ZNF276: variants seen among roughly 807,000 people sequenced by gnomAD.
ZNF276 encodes zinc finger protein 276, also known as centromere protein Z.
ZNF276 carries 59 observed loss-of-function variants against 63.9 expected under a neutral mutation model. The observed-to-expected ratio is 0.92, with a 90% CI of 0.75 to 1.15. The LOEUF is 1.15. ZNF276 is among the 50% of genes most tolerant of loss of function. The pLI is 0.00. For missense variants in ZNF276, 1,084 were observed against 843.8 expected (o/e 1.28, Z -3.53); for synonymous variants, 496 against 348.4 (o/e 1.42, Z -4.72).
rs1016397154 is a variant in ZNF276 at position 89,721,783 on chromosome 16, G to A, written c.143G>A (p.Arg48Gln). The A allele has an allele frequency of 2.4e-6, 3 of 1,260,952 alleles. No homozygotes were observed. Among genetic ancestry groups the A allele is most frequent in the African/African-American group, 1.6e-5 (1 of 64,110 alleles). The allele number at this position is 1,260,952 out of a possible 1,614,324, so 78.1% of individuals were successfully genotyped here. ...GGPRVDGATA[R>Q]RAWGPVGSCG... ...CCGAGGGTGGACGGGGCGACGGCGCGGCGCGCCTGGGGCCCGGTGGGGTCC... is the reference window on the plus strand; with the variant it reads ...CCGAGGGTGGACGGGGCGACGGCGCAGCGCGCCTGGGGCCCGGTGGGGTCC... The change falls in exon 1 of 11, where the codon CGG becomes CAG. Residue 48 changes from arginine (R) to glutamine (Q), a missense_variant. By Grantham distance (43) the Arg-to-Gln change is conservative. Coordinates refer to ENST00000443381, the MANE Select transcript of ZNF276 (RefSeq NM_001113525.2).
At position 89,729,352 on chromosome 16, in the gene ZNF276, C is replaced by A. The variant is rs114201780; in HGVS notation, c.1169+34C>A. On this transcript the variant is annotated intron_variant, in intron 6 of 10. Transcript: ENST00000443381. ...GCAGCCCGGGGTCTGCTGGAGGCAT[C>A]CGTTGGGCGACCTAGACACCCGCCT... is the stretch of plus-strand genomic sequence containing the variant. 3.0e-4 allele frequency: 483 copies of A among 1,598,474 alleles called. 2 individuals are homozygous for A. In the African/African-American group the frequency reaches 5.6e-3, roughly 19 times the overall value.
intron 9 of ZNF276, 49 bp from the exon 10 acceptor site, chr16:89,737,757 G>A: frequency 1.2e-6 from 2 of 1,610,742 alleles, no homozygotes; most frequent in Non-Finnish European, 8.5e-7. Context: ...CGTCCCCCCG[G>A]GAGGTTGGAG....
rs17227417 is a variant in ZNF276 at position 89,738,314 on chromosome 16, C to T, written c.*68C>T. ...CAGTGGCTGTGTCAGCCTCACCCTT[C>T]GTGTGCACCCGCATGGGAGGGTCGG... On this transcript the variant is annotated 3_prime_UTR_variant, in exon 11 of 11. Transcript: ENST00000443381. 5.0e-3 allele frequency: 7,553 copies of T among 1,521,468 alleles called. 180 individuals are homozygous for T. In the African/African-American group the frequency reaches 0.068, roughly 14 times the overall value. The allele number at this position is 1,521,468 out of a possible 1,614,324, so 94.2% of individuals were successfully genotyped here. A position where few individuals can be genotyped will look rare whatever the true frequency, so the allele number is the denominator to read the frequency against.
In ZNF276 at chr16:89,740,648, A is replaced by C. The variant is rs1192846072; in HGVS notation, c.*2402A>C. ...GAGACCCCCATCTCAAAAAAAAAAA[A>C]AAAAAACCCACGGCCTGGGAGTTCT... On this transcript the variant is annotated 3_prime_UTR_variant, in exon 11 of 11. Coordinates refer to ENST00000443381, the MANE Select transcript of ZNF276 (RefSeq NM_001113525.2). 4 of 647,322 alleles carry C rather than the reference A, an allele frequency of 6.2e-6. No individual in the cohort carries two copies. Among genetic ancestry groups the C allele is most frequent in the East Asian group, 2.8e-5 (1 of 35,484 alleles). The allele number at this position is 647,322 out of a possible 1,614,324, so 40.1% of individuals were successfully genotyped here. A position where few individuals can be genotyped will look rare whatever the true frequency, so the allele number is the denominator to read the frequency against.
intron 4 of ZNF276, among the ~76,000 whole-genome samples, chr16:89,724,726 A>G (rs2061414198): frequency 6.6e-6 from 1 of 152,186 alleles, no homozygotes; most frequent in Admixed American, 6.6e-5. Flanking sequence ...GGCCTCAGGT[A>G]GGAACGGGAT....
intron 5 of ZNF276, among the ~76,000 whole-genome samples, chr16:89,728,369 C>T (rs1018542924): frequency 1.4e-4 from 21 of 151,574 alleles, no homozygotes; most frequent in Middle Eastern, 3.4e-3. Flanking sequence ...GGATTACAGG[C>T]GCCCGCCACC....
rs766402521 is a variant in ZNF276 at position 89,723,324 on chromosome 16, G to A, written c.621G>A (p.Ala207=). ...HGLVGWVHGH[A]ASCGALPHLQ... ...TGGTGGGGTGGGTGCATGGACATGC[G>A]GCCAGCTGCGGGGCCCTGCCCCACC... The change falls in exon 4 of 11, where the codon GCG becomes GCA. Residue 207 remains alanine (A), a synonymous_variant. Coordinates refer to ENST00000443381, the MANE Select transcript of ZNF276 (RefSeq NM_001113525.2). The A allele has an allele frequency of 6.2e-6, 10 of 1,612,890 alleles. No individual in the cohort carries two copies. The highest frequency in any genetic ancestry group is 3.3e-5 in the Admixed American group (2 of 60,010).
Position 89,722,776 on chromosome 16 carries a change from A to T in ZNF276, c.451A>T (p.Lys151Ter). The T allele has an allele frequency of 1.2e-6, 2 of 1,609,660 alleles. No homozygotes were observed. Among genetic ancestry groups the T allele is most frequent in the Non-Finnish European group, 1.7e-6 (2 of 1,179,990 alleles). ...AQFYQCHSLL[K>*]SFLQRVNASP... ...GTTCTACCAGTGCCACAGCCTTCTC[A>T]AGTCCTTCCTGCAGAGGGTCAACGC... The change falls in exon 2 of 11, where the codon AAG becomes TAG. Residue 151 changes from lysine (K) to a stop codon, truncating the protein, a stop_gained. Coordinates refer to ENST00000443381, the MANE Select transcript of ZNF276 (RefSeq NM_001113525.2). LOFTEE classifies it high-confidence loss of function.
At position 89,722,648 on chromosome 16, in the gene ZNF276, C is replaced by T. The variant is rs1352157393; in HGVS notation, c.323C>T (p.Ala108Val). Residue 108 changes from alanine (A) to valine (V), a missense_variant, in exon 2 of 11, where the codon GCA becomes GTA. Physicochemically the swap from Ala to Val is moderately conservative, Grantham distance 64. Coordinates refer to ENST00000443381, the MANE Select transcript of ZNF276 (RefSeq NM_001113525.2). ...GGAGCGAGCATGGAGAGGCCATCCGCAGAGGAGCGCGTGCTCGTACGGGAC... is the reference window on the plus strand; with the variant it reads ...GGAGCGAGCATGGAGAGGCCATCCGTAGAGGAGCGCGTGCTCGTACGGGAC... Reference protein sequence around the residue: ...APGASMERPSAEERVLVRDFQ... With the variant: ...APGASMERPSVEERVLVRDFQ... 6.2e-7 allele frequency: 1 copy of T among 1,612,234 alleles called. No individual in the cohort carries two copies. Among genetic ancestry groups the T allele is most frequent in the Admixed American group, 1.7e-5 (1 of 60,034 alleles).
intron 1 of ZNF276, among the ~76,000 whole-genome samples, 189 bp downstream of exon 1, chr16:89,722,034 G>A (rs939358389): frequency 1.2e-4 from 18 of 152,244 alleles, no homozygotes; most frequent in African/African-American, 4.1e-4. Flanking sequence ...TGACGCCGGC[G>A]TCGCCGGCCC....
chr16:89,729,201 A>C, intron 5 of ZNF276, 34 bp from the exon 6 acceptor site: 1 of 1,599,144 alleles, frequency 6.3e-7, no homozygotes, highest in Non-Finnish European at 8.6e-7. Flanking sequence ...GCCCAGGCCC[A>C]GGGCTTTGCT....
In ZNF276 at chr16:89,723,550, C is replaced by T; in HGVS notation, c.847C>T (p.Pro283Ser). 1 of 1,612,794 alleles carries T rather than the reference C, an allele frequency of 6.2e-7. No individual in the cohort carries two copies. ...CCGAGGGTGGAACCCTGGGGATGCCCCTCAGACCTCCCAGGGTAGAGGGAC... is the reference window on the plus strand; with the variant it reads ...CCGAGGGTGGAACCCTGGGGATGCCTCTCAGACCTCCCAGGGTAGAGGGAC... ...QHRGWNPGDA[P>S]QTSQGRGTGT... The change falls in exon 4 of 11, where the codon CCT becomes TCT. Residue 283 changes from proline to serine, a missense_variant. Physicochemically the swap from Pro to Ser is moderately conservative, Grantham distance 74. Transcript: ENST00000443381.
In ZNF276 at chr16:89,733,998, C is replaced by G. The variant is rs547301381; in HGVS notation, c.1434C>G (p.Ile478Met). ...PHPGCNKVFM[I>M]DRYLQRHVKL... Reference sequence around the variant, plus strand: ...CTGGCTGCAACAAGGTTTTCATGATCGACCGCTACCTGCAGCGCCACGTGA... The same window carrying G: ...CTGGCTGCAACAAGGTTTTCATGATGGACCGCTACCTGCAGCGCCACGTGA... Residue 478 changes from isoleucine (I) to methionine (M), a missense_variant, in exon 9 of 11, where the codon ATC becomes ATG. By Grantham distance (10) the Ile-to-Met change is conservative. Transcript: ENST00000443381. 1 of 1,614,084 alleles carries G rather than the reference C, an allele frequency of 6.2e-7. No individual in the cohort carries two copies. The highest frequency in any genetic ancestry group is 8.5e-7 in the Non-Finnish European group (1 of 1,180,030).
intron 9 of ZNF276, among the ~76,000 whole-genome samples, chr16:89,735,688 T>C (rs1348377424): frequency 2.0e-5 from 3 of 152,074 alleles, no homozygotes; most frequent in African/African-American, 4.8e-5. Flanking sequence ...CTGGGCAACA[T>C]AGTGAGGCCG....
chr16:89,721,108 G>A (rs1282641646), upstream of ZNF276: 5 of 321,590 alleles, frequency 1.6e-5, no homozygotes, highest in Non-Finnish European at 2.8e-5. Context: ...TTGAGACGGG[G>A]CTGGCGAGAA....
Position 89,739,091 on chromosome 16 carries a change from G to C in ZNF276, c.*845G>C, listed in dbSNP as rs776244734. ...TCTTTGGCAGAAGGAGCCTCCGGCTGGGGGGAGCTCCCCTGGAGGTGGGAC... is the reference window on the plus strand; with the variant it reads ...TCTTTGGCAGAAGGAGCCTCCGGCTCGGGGGAGCTCCCCTGGAGGTGGGAC... On this transcript the variant is annotated 3_prime_UTR_variant, in exon 11 of 11. Coordinates refer to ENST00000443381, the MANE Select transcript of ZNF276 (RefSeq NM_001113525.2). 1.9e-6 allele frequency: 3 copies of C among 1,613,370 alleles called. No homozygotes were observed. The highest frequency in any genetic ancestry group is 2.5e-6 in the Non-Finnish European group (3 of 1,179,590).
Position 89,722,515 on chromosome 16 carries a change from C to A in ZNF276, c.206-16C>A. ...CTCCTTTGCCAGCTGCTAACACTTC[C>A]TGCCGCTCTGTGCAGGAGCAGGCCG... On this transcript the variant is annotated splice_polypyrimidine_tract_variant and intron_variant, in intron 1 of 10. Transcript: ENST00000443381. The A allele has an allele frequency of 6.3e-7, 1 of 1,597,340 alleles. No individual in the cohort carries two copies. The highest frequency in any genetic ancestry group is 8.5e-7 in the Non-Finnish European group (1 of 1,170,266).
At chr16:89,737,927 C>G (rs773291616) in intron 10 of ZNF276, 22 bp downstream of exon 10, 18 of 1,613,400 alleles carry the variant, frequency 1.1e-5, no homozygotes, top group Non-Finnish European at 1.4e-5. Context: ...TCAGGACCCC[C>G]TCCCAGGGCT....
At chr16:89,722,452 C>T (rs1726138199) in intron 1 of ZNF276, 79 bp from the exon 2 acceptor site, 4 of 1,482,776 alleles carry the variant, frequency 2.7e-6, no homozygotes, top group Non-Finnish European at 2.7e-6. Flanking sequence ...AGGCGCTGCC[C>T]TCGGACCTGG....
Sources: gnomAD v4.1 joint callset for allele counts (sites outside exome capture counted in the v4.1 genomes callset) on GRCh38, gnomAD v4.1.1 for gene constraint, MANE v1.5 for transcripts, NCBI Gene and HGNC (gene_info 2026-07-23, HGNC 2026-07-21) for gene names.